Variants in TUBGCP3 observed in about 807,000 individuals in gnomAD.
TUBGCP3 encodes the protein gamma-tubulin complex component 3.
Under a neutral mutation model 123.1 loss-of-function variants are expected in TUBGCP3, and 50 were observed. The observed-to-expected ratio is 0.41, with a 90% CI of 0.32 to 0.51. TUBGCP3 has a LOEUF of 0.51. Among genes scored for constraint, TUBGCP3 ranks in the 20% least tolerant of loss-of-function variants. The pLI is 0.36. For synonymous variants in TUBGCP3, 405 were observed against 413.9 expected, an observed-to-expected ratio of 0.98 and a Z score of 0.26; for missense variants, 882 against 1,127.0, an observed-to-expected ratio of 0.78 and a Z score of 3.11.
chr13:112,559,349 A>C lies in TUBGCP3; in HGVS notation c.303T>G (p.Ser101Arg), dbSNP rs972058797. The C allele has an allele frequency of 1.2e-6, 2 of 1,612,172 alleles. No individual in the cohort carries two copies. Among genetic ancestry groups the C allele is most frequent in the South Asian group, 1.1e-5 (1 of 90,752 alleles). The part of the protein sequence containing the change: ...WSILYLLLSL[S>R]EDPRRQPSKV... ...TGCTTGGCTGCCTGCGTGGGTCCTC[A>C]CTGAGGCTCAGCAAGAGGTAGAGTA... is the stretch of plus-strand genomic sequence containing the variant. Residue 101 changes from serine (S) to arginine (R), a missense_variant, in exon 4 of 22, where the codon AGT becomes AGG. Transcript: ENST00000261965.
At chr13:112,494,977 G>A (rs1436381102) in intron 20 of TUBGCP3, among the ~76,000 whole-genome samples, 4 of 152,110 alleles carry the variant, frequency 2.6e-5, no homozygotes, top group Admixed American at 2.0e-4. Flanking sequence ...TCAATCCCTC[G>A]CCAATGGGTA....
intron 17 of TUBGCP3, 93 bp from the exon 18 acceptor site, chr13:112,504,807 A>G (rs1367717612): frequency 3.0e-6 from 3 of 1,006,880 alleles, no homozygotes; most frequent in Non-Finnish European, 3.0e-6. Flanking sequence ...CTATCTTAAA[A>G]CAAAAAATCA....
intron 19 of TUBGCP3, among the ~76,000 whole-genome samples, chr13:112,503,104 C>A (rs1001004673): frequency 6.6e-6 from 1 of 152,160 alleles, no homozygotes; most frequent in Non-Finnish European, 1.5e-5. Context: ...GCAGGCCCAG[C>A]TGGAGGCAGC....
chr13:112,540,417 C>G (rs1318151726), intron 11 of TUBGCP3, among the ~76,000 whole-genome samples: 1 of 143,192 alleles, frequency 7.0e-6, no homozygotes, highest in Non-Finnish European at 1.5e-5. Flanking sequence ...TATGAGCATT[C>G]AGGTGGTCTT....
chr13:112,489,603 C>G lies in TUBGCP3; in HGVS notation c.2543G>C (p.Arg848Pro). The change falls in exon 21 of 22, where the codon CGA becomes CCA. Residue 848 changes from arginine to proline, a missense_variant. Around this residue, in one of 3 missense-constraint regions of TUBGCP3, gnomAD observed 160 missense variants for 220.3 expected, o/e 0.73. Coordinates refer to ENST00000261965, the MANE Select transcript of TUBGCP3 (RefSeq NM_006322.6). ...CACCTGGTAGAAATGGGTCAATATT[C>G]GCAACTGTGAGCACATTTTTGGTAT... ...ESIPKMCSQL[R>P]ILTHFYQGIV... 6.2e-7 allele frequency: 1 copy of G among 1,614,046 alleles called. No homozygotes were observed. The highest frequency in any genetic ancestry group is 8.5e-7 in the Non-Finnish European group (1 of 1,179,852).
At chr13:112,526,723 ACAT>A (rs1211597535) in intron 13 of TUBGCP3, among the ~76,000 whole-genome samples, 4 of 140,478 alleles carry the variant, frequency 2.8e-5, no homozygotes, top group South Asian at 2.3e-4. Flanking sequence ...ATCACCATCA[ACAT>A]CATCACCACC....
intron 11 of TUBGCP3, among the ~76,000 whole-genome samples, chr13:112,539,782 G>C (rs1946999004): frequency 6.6e-6 from 1 of 152,078 alleles, no homozygotes. Context: ...CAATGTAGTA[G>C]CCTATGAGCA....
At chr13:112,574,224 C>T (rs1881635792) in intron 1 of TUBGCP3, among the ~76,000 whole-genome samples, 1 of 143,530 alleles carries the variant, frequency 7.0e-6, no homozygotes, top group African/African-American at 2.6e-5. Flanking sequence ...TCCCCCTGCC[C>T]AATCCACAAA....
At chr13:112,600,038 A>T in the TUBGCP3 span, among the ~76,000 whole-genome samples, 7 of 152,326 alleles carry the variant, frequency 4.6e-5, no homozygotes, top group East Asian at 1.3e-3. Flanking sequence ...GCATTAGTCC[A>T]TGCTAAGACT....
intron 11 of TUBGCP3, among the ~76,000 whole-genome samples, chr13:112,542,370 C>T (rs1279526731): frequency 6.6e-6 from 1 of 152,164 alleles, no homozygotes; most frequent in African/African-American, 2.4e-5. Context: ...AATAACTGAA[C>T]ATAAATGCAT....
chr13:112,503,731 A>T (rs1193433795), intron 19 of TUBGCP3, among the ~76,000 whole-genome samples: 4 of 152,196 alleles, frequency 2.6e-5, no homozygotes, highest in African/African-American at 9.7e-5. Flanking sequence ...CTCAAAAGTC[A>T]TGGTTTTCTC....
intron 20 of TUBGCP3, among the ~76,000 whole-genome samples, chr13:112,493,514 GGA>G (rs1880281395): frequency 2.2e-5 from 3 of 134,608 alleles, no homozygotes; most frequent in African/African-American, 2.8e-5. Context: ...TATGGGAATG[GGA>G]CCTGGTGTGC....
At chr13:112,558,541 TAAAC>T in intron 4 of TUBGCP3, 128 bp from the exon 5 acceptor site, 2 of 788,336 alleles carry the variant, frequency 2.5e-6, no homozygotes, top group South Asian at 3.0e-5. Context: ...CATACTTTAT[TAAAC>T]AATAAATTAG....
chr13:112,563,732 G>A (rs9577809), intron 3 of TUBGCP3, among the ~76,000 whole-genome samples: 23,670 of 149,256 alleles, frequency 0.16, 2,164 homozygotes, highest in Non-Finnish European at 0.21. Flanking sequence ...AAAATTAGCC[G>A]GGCGTGTTGG....
intron 11 of TUBGCP3, among the ~76,000 whole-genome samples, chr13:112,536,070 G>A (rs1878025100): frequency 6.6e-6 from 1 of 152,196 alleles, no homozygotes; most frequent in African/African-American, 2.4e-5. Context: ...CAATAAAAAT[G>A]AAGATGTACT....
intron 1 of TUBGCP3, among the ~76,000 whole-genome samples, chr13:112,572,469 C>T (rs1881485039): frequency 6.6e-6 from 1 of 151,826 alleles, no homozygotes; most frequent in African/African-American, 2.4e-5. Context: ...CTCTCTGTGT[C>T]CATGTGTTCT....
intron 3 of TUBGCP3, among the ~76,000 whole-genome samples, chr13:112,563,482 C>T (rs72658007): frequency 0.024 from 3,601 of 152,096 alleles, 70 homozygotes; most frequent in Non-Finnish European, 0.04. Flanking sequence ...CCCTAGGGAG[C>T]GGGCCACTAT....
At chr13:112,498,547 C>T (rs890424749) in intron 20 of TUBGCP3, among the ~76,000 whole-genome samples, 2 of 152,310 alleles carry the variant, frequency 1.3e-5, no homozygotes, top group South Asian at 2.1e-4. Flanking sequence ...AGGAGCATTT[C>T]GTATTTTGTA....
At chr13:112,605,183 CCTGTAATCCCAG>C in the TUBGCP3 span, 1 of 152,178 alleles carries the variant, frequency 6.6e-6, no homozygotes, top group Non-Finnish European at 1.5e-5. Flanking sequence ...GTGGCAGGCA[CCTGTAATCCCAG>C]CTACTCGGGA....
Sources: gnomAD v4.1 joint callset for allele counts (sites outside exome capture counted in the v4.1 genomes callset) on GRCh38, gnomAD v4.1.1 for gene constraint, gnomAD v4.1.1 regional missense constraint, MANE v1.5 for transcripts, NCBI Gene and HGNC (gene_info 2026-07-23, HGNC 2026-07-21) for gene names.